The following TRNT1 variants were observed in gnomAD, a reference collection of about 807,000 sequenced individuals.
TRNT1 encodes tRNA nucleotidyl transferase 1, also known as CCA tRNA nucleotidyltransferase 1, mitochondrial.
TRNT1 carries 44 observed loss-of-function variants against 45.6 expected under a neutral mutation model. The observed-to-expected ratio is 0.97, with a 90% CI of 0.76 to 1.24. The LOEUF (loss-of-function observed/expected upper bound fraction) is 1.24. Ranked by LOEUF, TRNT1 falls within the 50% of genes most tolerant of loss-of-function variation. The probability of loss-of-function intolerance (pLI) is 0.00; values close to 1 mark genes in which losing one functional copy is unlikely to be tolerated. For synonymous variants in TRNT1, 201 were observed against 171.4 expected, an observed-to-expected ratio of 1.17 and a Z score of -1.35; for missense variants, 633 against 504.4, an observed-to-expected ratio of 1.25 and a Z score of -2.44.
downstream of TRNT1, chr3:3,152,827 T>C (rs780436189): frequency 1.8e-6 from 1 of 546,266 alleles, no homozygotes; most frequent in Non-Finnish European, 3.3e-6. Context: ...GAAATAGTAC[T>C]TGTTTTTAAA....
chr3:3,137,444 T>G lies in TRNT1; in HGVS notation c.333T>G (p.Ile111Met), dbSNP rs1377809785. ...ACAGAGGAGAAAAGCACGGAACAAT[T>G]ACTGCCAGGGTGAGTCAAAAGTTTG... is the stretch of plus-strand genomic sequence containing the variant. ...INNRGEKHGT[I>M]TARLHEENFE... The change falls in exon 3 of 8, where the codon ATT becomes ATG. Residue 111 changes from isoleucine (I) to methionine (M), a missense_variant. By Grantham distance (10) the Ile-to-Met change is conservative. Coordinates refer to ENST00000251607, the MANE Select transcript of TRNT1 (RefSeq NM_182916.3). The G allele has an allele frequency of 1.9e-6, 3 of 1,609,276 alleles. No individual in the cohort carries two copies. The highest frequency in any genetic ancestry group is 2.5e-6 in the Non-Finnish European group (3 of 1,178,486).
At chr3:3,132,694 AAT>A (rs1417046504) in intron 2 of TRNT1, among the ~76,000 whole-genome samples, 19 of 135,840 alleles carry the variant, frequency 1.4e-4, no homozygotes, top group African/African-American at 4.3e-4. Context: ...AAAAAAAAAA[AAT>A]TAAAAAAATA....
At chr3:3,128,792 G>A (rs1704783665) in intron 1 of TRNT1, among the ~76,000 whole-genome samples, 2 of 151,744 alleles carry the variant, frequency 1.3e-5, no homozygotes, top group African/African-American at 4.8e-5. Context: ...GGAGGCCTGC[G>A]CTAGTGAGAC....
At chr3:3,129,293 T>C in intron 2 of TRNT1, 105 bp downstream of exon 2, 1 of 1,092,618 alleles carries the variant, frequency 9.2e-7, no homozygotes, top group South Asian at 1.6e-5. Context: ...GTTGTTTTAA[T>C]TATTTTTATT....
chr3:3,137,549 TAAA>T, intron 3 of TRNT1, 96 bp downstream of exon 3: 1 of 1,104,460 alleles, frequency 9.1e-7, no homozygotes, highest in Non-Finnish European at 1.3e-6. Flanking sequence ...AAAAGTCTAA[TAAA>T]AAAGTCAGTC....
downstream of TRNT1, among the ~76,000 whole-genome samples, chr3:3,151,959 C>T (rs1183387043): frequency 6.6e-6 from 1 of 152,146 alleles, no homozygotes; most frequent in African/African-American, 2.4e-5. Context: ...TAAAGTTCTA[C>T]TGGGTCATAA....
chr3:3,133,483 G>T (rs1239684428), intron 2 of TRNT1, among the ~76,000 whole-genome samples: 1 of 151,944 alleles, frequency 6.6e-6, no homozygotes, highest in Non-Finnish European at 1.5e-5. Flanking sequence ...CCTTGAACTT[G>T]GGGTCAGGGC....
At chr3:3,153,343 A>G (rs1183351810), downstream of TRNT1, 5 of 852,022 alleles carry the variant, frequency 5.9e-6, 1 homozygote, top group South Asian at 2.8e-5. Flanking sequence ...GTACTGGAGG[A>G]AAGTTTATGG....
intron 4 of TRNT1, among the ~76,000 whole-genome samples, chr3:3,143,953 C>T (rs139035188): frequency 2.7e-4 from 41 of 152,256 alleles, no homozygotes; most frequent in Non-Finnish European, 4.4e-4. Context: ...TTTCTATTTA[C>T]GTGGCCTTTT....
chr3:3,152,433 AGC>A (rs561389131), downstream of TRNT1: 1,092 of 1,601,492 alleles, frequency 6.8e-4, 5 homozygotes, highest in African/African-American at 0.013. Flanking sequence ...GAAAAAAAAA[AGC>A]AACCACCACC....
intron 2 of TRNT1, among the ~76,000 whole-genome samples, chr3:3,132,648 A>G (rs1056373315): frequency 8.0e-6 from 1 of 125,404 alleles, no homozygotes; most frequent in African/African-American, 3.0e-5. Context: ...TAACCTGCAC[A>G]ATGTGCACAT....
In TRNT1 at chr3:3,137,383, A is replaced by G; in HGVS notation, c.272A>G (p.Glu91Gly). The G allele has an allele frequency of 6.2e-7, 1 of 1,613,978 alleles. No homozygotes were observed. Among genetic ancestry groups the G allele is most frequent in the Non-Finnish European group, 8.5e-7 (1 of 1,179,934 alleles). The stretch of plus-strand genomic sequence containing the variant: ...ACTGCTACCCCTACTCAAATGAAGG[A>G]GATGTTTCAGTCGGCTGGGATTCGG... Reference protein sequence around the residue: ...ATTATPTQMKEMFQSAGIRMI... With the variant: ...ATTATPTQMKGMFQSAGIRMI... The change falls in exon 3 of 8, where the codon GAG becomes GGG. Residue 91 changes from glutamate to glycine, a missense_variant. Transcript: ENST00000251607.
At chr3:3,144,496 G>A in intron 4 of TRNT1, 88 bp from the exon 5 acceptor site, 5 of 1,296,220 alleles carry the variant, frequency 3.9e-6, no homozygotes, top group Non-Finnish European at 4.3e-6. Context: ...AATTTTTACT[G>A]TTTGTGATAG....
chr3:3,141,786 C>T (rs576787332), intron 4 of TRNT1, among the ~76,000 whole-genome samples: 30 of 152,126 alleles, frequency 2.0e-4, no homozygotes, highest in Non-Finnish European at 3.5e-4. Flanking sequence ...TTGCTTCATG[C>T]ATAGATGGGC....
rs1392135239 is a variant in TRNT1 at position 3,137,407 on chromosome 3, G to A, written c.296G>A (p.Arg99Gln). The stretch of plus-strand genomic sequence containing the variant: ...GAGATGTTTCAGTCGGCTGGGATTC[G>A]GATGATAAACAACAGAGGAGAAAAG... ...MKEMFQSAGI[R>Q]MINNRGEKHG... The change falls in exon 3 of 8, where the codon CGG (arginine) becomes CAG (glutamine). Residue 99 changes from arginine (R) to glutamine (Q), a missense_variant. Arg to Gln is a conservative substitution (Grantham distance 43). Transcript: ENST00000251607. 4 of 1,613,518 alleles carry A rather than the reference G, an allele frequency of 2.5e-6. No homozygotes were observed. Among genetic ancestry groups the A allele is most frequent in the Non-Finnish European group, 3.4e-6 (4 of 1,179,738 alleles).
At chr3:3,131,294 C>T (rs1430651500) in intron 2 of TRNT1, 1 of 152,060 alleles carries the variant, frequency 6.6e-6, no homozygotes, top group Non-Finnish European at 1.5e-5. Flanking sequence ...TCACAGCCCC[C>T]AATTTTTCAA....
chr3:3,143,364 T>G (rs1043460629), intron 4 of TRNT1, among the ~76,000 whole-genome samples: 5 of 152,224 alleles, frequency 3.3e-5, no homozygotes, highest in African/African-American at 1.2e-4. Context: ...AAATTAGTTT[T>G]ATGTCACTTT....
chr3:3,147,876 C>G (rs370330612), intron 7 of TRNT1, 30 bp from the exon 8 acceptor site: 1 of 1,588,878 alleles, frequency 6.3e-7, no homozygotes. Context: ...TCATGTGTGA[C>G]GAAACTAAAT....
At chr3:3,128,988 G>T in intron 1 of TRNT1, 26 bp from the exon 2 acceptor site, 1 of 1,499,574 alleles carries the variant, frequency 6.7e-7, no homozygotes, top group Non-Finnish European at 9.0e-7. Context: ...TAATTTCATT[G>T]GTATGCCTGT....
Sources: allele counts gnomAD v4.1 joint callset (sites outside exome capture counted in the v4.1 genomes callset), GRCh38; gene constraint gnomAD v4.1.1; transcripts MANE v1.5; gene names NCBI Gene and HGNC (gene_info 2026-07-23, HGNC 2026-07-21).